The following MYH16 variants were observed in gnomAD, a reference collection of about 807,000 sequenced individuals.
The protein encoded by MYH16 is myosin heavy chain 16, also known as putative uncharacterized protein MYH16.
chr7:99,279,755 C>T lies in MYH16; in HGVS notation n.2887+18C>T. On this transcript the variant is annotated intron_variant and non_coding_transcript_variant, in intron 22 of 41. Transcript: ENST00000439784. ...AGAAGCAGGTGAGGAGAGGCCGGGG[C>T]CCTGCCACGCTTTTCTCAGGCCACC... The T allele has an allele frequency of 2.2e-6, 1 of 451,032 alleles. No homozygotes were observed. The highest frequency in any genetic ancestry group is 1.6e-5 in the South Asian group (1 of 64,194). 27.9% of individuals were successfully genotyped at this position (451,032 alleles called of 1,614,324 possible).
chr7:99,256,300 AATTT>A (rs1791872429), intron 9 of MYH16, among the ~76,000 whole-genome samples: 1 of 134,492 alleles, frequency 7.4e-6, no homozygotes. Context: ...AAAAAAAAAA[AATTT>A]AAATTTGAAA....
At chr7:99,273,278 C>T (rs1792069734) in intron 19 of MYH16, 64 bp from the exon 2 acceptor site, 3 of 454,486 alleles carry the variant, frequency 6.6e-6, no homozygotes, top group Non-Finnish European at 1.3e-5. Flanking sequence ...CCCACCCCTT[C>T]CCCAGGGAAG....
chr7:99,254,698 C>G (rs1026196547), intron 8 of MYH16, among the ~76,000 whole-genome samples: 2 of 152,234 alleles, frequency 1.3e-5, no homozygotes, highest in South Asian at 4.1e-4. Context: ...GATGAAGACT[C>G]AGTCTTACAC....
At chr7:99,262,406 T>C (rs1791947319) in intron 13 of MYH16, among the ~76,000 whole-genome samples, 1 of 152,204 alleles carries the variant, frequency 6.6e-6, no homozygotes, top group Admixed American at 6.5e-5. Context: ...AAAATGGATG[T>C]GGCCGATACT....
At chr7:99,246,207 A>T (rs992355588) in intron 2 of MYH16, among the ~76,000 whole-genome samples, 1 of 115,770 alleles carries the variant, frequency 8.6e-6, no homozygotes, top group African/African-American at 3.9e-5. Context: ...CTCTGTCTCT[A>T]AAAAAAAAAA....
intron 38 of MYH16, 117 bp from the exon 20 acceptor site, chr7:99,302,948 G>A (rs1792623874): frequency 6.6e-6 from 1 of 152,310 alleles, no homozygotes; most frequent in Non-Finnish European, 1.5e-5. Context: ...GAGGGCCCAG[G>A]GCCATTTCCT....
chr7:99,252,620 C>T (rs902915975), intron 6 of MYH16: 1 of 152,258 alleles, frequency 6.6e-6, no homozygotes, highest in African/African-American at 2.4e-5. Flanking sequence ...TGCCCCAAAC[C>T]ACAGACCCTA....
Position 99,244,955 on chromosome 7 carries a change from TC to T in MYH16, n.354+1538del, listed in dbSNP as rs1377272604. Among the ~76,000 whole-genome samples, 4 of 151,784 alleles carry T rather than the reference TC, an allele frequency of 2.6e-5. No homozygotes were observed. In the East Asian group the frequency reaches 7.7e-4, roughly 29 times the overall value. ...TAGCCTGAGAGACCAGGGCAGGGAG[TC>T]CCCTCCTACATTAAAGCGCCTCAAT... On this transcript the variant is annotated intron_variant and non_coding_transcript_variant, in intron 2 of 41. Coordinates refer to ENST00000439784, the Ensembl canonical transcript of MYH16.
At chr7:99,277,095 G>GT (rs1792124929) in intron 20 of MYH16, among the ~76,000 whole-genome samples, 1 of 152,010 alleles carries the variant, frequency 6.6e-6, no homozygotes, top group Non-Finnish European at 1.5e-5. Flanking sequence ...GAGTGAGAGA[G>GT]ACAGCAAAAT....
At chr7:99,246,121 G>A (rs1791725533) in intron 2 of MYH16, among the ~76,000 whole-genome samples, 1 of 151,058 alleles carries the variant, frequency 6.6e-6, no homozygotes, top group South Asian at 2.1e-4. Flanking sequence ...TGGAAGAATC[G>A]CTTGAGCCCA....
intron 39 of MYH16, among the ~76,000 whole-genome samples, chr7:99,303,706 A>C (rs533433700): frequency 6.6e-6 from 1 of 152,318 alleles, no homozygotes; most frequent in Admixed American, 6.5e-5. Flanking sequence ...GAAGGCTGAG[A>C]CAGGAGGATC....
intron 11 of MYH16, among the ~76,000 whole-genome samples, chr7:99,259,505 C>T (rs1295739760): frequency 6.6e-6 from 1 of 151,850 alleles, no homozygotes; most frequent in Non-Finnish European, 1.5e-5. Flanking sequence ...TTTCCCCAGG[C>T]TGGAGTACAA....
At chr7:99,282,937 A>T (rs1158224045) in intron 23 of MYH16, among the ~76,000 whole-genome samples, 1 of 152,206 alleles carries the variant, frequency 6.6e-6, no homozygotes, top group Non-Finnish European at 1.5e-5. Context: ...TTTTACTCAC[A>T]TAAGTGCCCG....
chr7:99,248,817 G>A (rs563741159), intron 3 of MYH16, among the ~76,000 whole-genome samples: 13 of 152,308 alleles, frequency 8.5e-5, no homozygotes, highest in Non-Finnish European at 1.8e-4. Context: ...GCAGGGATGG[G>A]CACGTGGCCA....
intron 18 of MYH16, among the ~76,000 whole-genome samples, chr7:99,268,250 G>A (rs573799859): frequency 2.0e-5 from 3 of 152,306 alleles, no homozygotes; most frequent in South Asian, 2.1e-4. Context: ...CTTGAGGTTT[G>A]GAGACAGGAT....
intron 33 of MYH16, among the ~76,000 whole-genome samples, chr7:99,294,543 AAGAAAAAAAAAAT>A (rs1792447884): frequency 8.4e-6 from 1 of 119,542 alleles, no homozygotes; most frequent in African/African-American, 5.3e-5. Context: ...AAAAGAAAAA[AAGAAAAAAAAAAT>A]ATATATATAT....
At chr7:99,296,277 G>A (rs985922371) in intron 33 of MYH16, among the ~76,000 whole-genome samples, 7 of 152,014 alleles carry the variant, frequency 4.6e-5, no homozygotes, top group Non-Finnish European at 1.0e-4. Context: ...GTTATGAGAC[G>A]GATGAAATCT....
rs540539723 is a variant in MYH16 at position 99,244,885 on chromosome 7, C to A, written n.354+1464C>A. Among the ~76,000 whole-genome samples, 11 of 152,310 alleles carry A rather than the reference C, an allele frequency of 7.2e-5. No individual in the cohort carries two copies. In the East Asian group the frequency reaches 1.7e-3, roughly 24 times the overall value. Reference sequence around the variant, plus strand: ...GCAAGCCCTTGTTCCTCCTGGGTGACCACATCATGACTTTGGGCCAAGGGA... The same window carrying A: ...GCAAGCCCTTGTTCCTCCTGGGTGAACACATCATGACTTTGGGCCAAGGGA... On this transcript the variant is annotated intron_variant and non_coding_transcript_variant, in intron 2 of 41. Transcript: ENST00000439784.
At chr7:99,302,317 T>TATATACACACAC (rs1184408879) in intron 38 of MYH16, among the ~76,000 whole-genome samples, 18 of 95,562 alleles carry the variant, frequency 1.9e-4, no homozygotes, top group African/African-American at 8.3e-4. Flanking sequence ...AAAAAATATA[T>TATATACACACAC]ACACACACAC....
Sources: allele counts gnomAD v4.1 joint callset (sites outside exome capture counted in the v4.1 genomes callset), GRCh38; gene constraint gnomAD v4.1.1; transcripts MANE v1.5; gene names NCBI Gene and HGNC (gene_info 2026-07-23, HGNC 2026-07-21).